PKD1L1: variants seen among roughly 807,000 people sequenced by gnomAD.
PKD1L1 encodes the protein polycystin 1 like 1, transient receptor potential channel interacting.
In PKD1L1, 236 loss-of-function variants were observed where a neutral mutation model predicts 323.4. The observed-to-expected ratio is 0.73, with a 90% confidence interval of 0.66 to 0.81. PKD1L1 has a LOEUF of 0.81. Ranked by LOEUF, PKD1L1 falls within the 40% of genes least tolerant of loss-of-function variation. The pLI, the probability that PKD1L1 is intolerant of heterozygous loss-of-function variation, is 0.00. For missense variants in PKD1L1, 3,320 were observed against 3,508.0 expected (o/e 0.95, Z 1.35); for synonymous variants, 1,344 against 1,335.0 (o/e 1.01, Z -0.15).
chr7:47,824,182 T>C (rs544581503), intron 45 of PKD1L1, among the ~76,000 whole-genome samples: 2 of 152,340 alleles, frequency 1.3e-5, no homozygotes, highest in African/African-American at 4.8e-5. Flanking sequence ...GCTAAAAGTG[T>C]GTGTTGCTTC....
At position 47,863,569 on chromosome 7, in the gene PKD1L1, G is replaced by A. The variant is rs139221738; in HGVS notation, c.4149+1647C>T. Among the ~76,000 whole-genome samples, 221 of 152,234 alleles carry A rather than the reference G, an allele frequency of 1.5e-3. 2 individuals carry two copies. Among genetic ancestry groups the A allele is most frequent in the African/African-American group, 5.0e-3 (207 of 41,522 alleles). Reference sequence around the variant, plus strand: ...CATGTCGTGAAGCCTAGAGAAGAGCGTGTCCCCCAAAGCAGATTGAGCCCC... The same window carrying A: ...CATGTCGTGAAGCCTAGAGAAGAGCATGTCCCCCAAAGCAGATTGAGCCCC... On this transcript the variant is annotated intron_variant, in intron 26 of 56. Coordinates refer to ENST00000289672, the MANE Select transcript of PKD1L1 (RefSeq NM_138295.5).
chr7:47,907,611 G>A (rs1373595528), intron 9 of PKD1L1, among the ~76,000 whole-genome samples: 1 of 152,156 alleles, frequency 6.6e-6, no homozygotes, highest in Non-Finnish European at 1.5e-5. Context: ...CACTCAGTGA[G>A]CACCGGATGC....
At chr7:47,888,483 G>T (rs1294297592) in intron 16 of PKD1L1, among the ~76,000 whole-genome samples, 2 of 152,208 alleles carry the variant, frequency 1.3e-5, no homozygotes, top group Non-Finnish European at 2.9e-5. Context: ...TCCAAGCCTG[G>T]GCTCTGGCCC....
At chr7:47,917,645 C>A (rs1013242497) in intron 7 of PKD1L1, among the ~76,000 whole-genome samples, 1 of 152,084 alleles carries the variant, frequency 6.6e-6, no homozygotes, top group Non-Finnish European at 1.5e-5. Context: ...CAGCAGAAAC[C>A]CTATAAGCCG....
chr7:47,929,497 C>T lies in PKD1L1; in HGVS notation c.767G>A (p.Arg256His), dbSNP rs771010161. ...SSHGLPPGIP[R>H]TPSFTASQSG... is the part of the protein sequence containing the mutation. ...CTGCGATGCCGTGAAGCTGGGGGTG[C>T]GAGGAATGCCAGGCGGAAGGCCGTG... The change falls in exon 7 of 57, where the codon CGC (arginine) becomes CAC (histidine). Residue 256 changes from arginine (R) to histidine (H), a missense_variant. Coordinates refer to ENST00000289672, the MANE Select transcript of PKD1L1 (RefSeq NM_138295.5). 1.3e-5 allele frequency: 21 copies of T among 1,613,626 alleles called. No individual in the cohort carries two copies. Among genetic ancestry groups the T allele is most frequent in the Admixed American group, 6.7e-5 (4 of 59,972 alleles).
Position 47,868,126 on chromosome 7 carries a change from G to C in PKD1L1, c.3897-1512C>G, listed in dbSNP as rs561305504. The stretch of plus-strand genomic sequence containing the variant: ...CTCATGCCTGTAATCCCAGCACTTT[G>C]GGAGGCTGAGGCATGTGGATCACCT... On this transcript the variant is annotated intron_variant, in intron 24 of 56. Transcript: ENST00000289672. 3.9e-4 allele frequency among the ~76,000 whole-genome samples: 60 copies of C among 152,320 alleles called. 1 individual carries two copies. In the Middle Eastern group the frequency reaches 0.017, roughly 43 times the overall value.
intron 56 of PKD1L1, among the ~76,000 whole-genome samples, chr7:47,790,849 T>C (rs561302183): frequency 1.3e-5 from 2 of 152,022 alleles, no homozygotes; most frequent in Admixed American, 6.5e-5. Context: ...TTCTACCTCC[T>C]GGACCCCAGT....
intron 41 of PKD1L1, among the ~76,000 whole-genome samples, chr7:47,832,424 T>C (rs1039603999): frequency 2.6e-5 from 4 of 152,228 alleles, no homozygotes; most frequent in African/African-American, 9.6e-5. Context: ...AGGATCTTTT[T>C]TGTGCCCCAC....
At chr7:47,953,492 G>C in the PKD1L1 span, among the ~76,000 whole-genome samples, 1 of 152,200 alleles carries the variant, frequency 6.6e-6, no homozygotes, top group Non-Finnish European at 1.5e-5. Context: ...GGCAGACCCA[G>C]GACAAGTCCC....
chr7:47,871,748 C>T (rs150393496), intron 24 of PKD1L1, among the ~76,000 whole-genome samples: 1,752 of 152,288 alleles, frequency 0.012, 12 homozygotes, highest in Non-Finnish European at 0.018. Flanking sequence ...ACACACACAA[C>T]AAACTAGGAA....
At chr7:47,878,024 G>A (rs146792687) in intron 21 of PKD1L1, among the ~76,000 whole-genome samples, 1 of 151,968 alleles carries the variant, frequency 6.6e-6, no homozygotes, top group Non-Finnish European at 1.5e-5. Flanking sequence ...AAGCCTGAGG[G>A]AGAGATGATG....
upstream of PKD1L1, among the ~76,000 whole-genome samples, chr7:47,951,845 T>C (rs766634222): frequency 3.3e-5 from 5 of 152,246 alleles, no homozygotes; most frequent in Non-Finnish European, 7.3e-5. Flanking sequence ...CAGGTTTCAA[T>C]GCAAGCCCAG....
chr7:47,925,890 A>T (rs1428042231), intron 7 of PKD1L1, among the ~76,000 whole-genome samples: 2 of 150,096 alleles, frequency 1.3e-5, no homozygotes, highest in Non-Finnish European at 1.5e-5. Context: ...TGGGGACAAA[A>T]TGGGAAAAAA....
chr7:47,821,547 G>A (rs1785141180), intron 45 of PKD1L1, among the ~76,000 whole-genome samples: 1 of 152,090 alleles, frequency 6.6e-6, no homozygotes, highest in Non-Finnish European at 1.5e-5. Context: ...GGGATTACAA[G>A]CGTGAGTCAC....
chr7:47,888,610 C>G (rs1727603242), intron 16 of PKD1L1, among the ~76,000 whole-genome samples: 1 of 152,256 alleles, frequency 6.6e-6, no homozygotes, highest in South Asian at 2.1e-4. Flanking sequence ...TGGCCGTCCA[C>G]CTTTGTGATT....
chr7:47,906,040 T>G (rs1787199711), intron 9 of PKD1L1, 78 bp from the exon 10 acceptor site: 1 of 1,331,084 alleles, frequency 7.5e-7, no homozygotes, highest in African/African-American at 1.5e-5. Flanking sequence ...ACAGTCAGTA[T>G]TTTTCATTTT....
intron 49 of PKD1L1, among the ~76,000 whole-genome samples, chr7:47,812,655 C>T (rs1784925859): frequency 6.6e-6 from 1 of 152,158 alleles, no homozygotes; most frequent in Non-Finnish European, 1.5e-5. Context: ...AACAGTGTGA[C>T]TGGCTGGATG....
rs757578145 is a variant in PKD1L1 at position 47,882,014 on chromosome 7, G to C, written c.3337C>G (p.Leu1113Val). The C allele has an allele frequency of 6.2e-7, 1 of 1,613,972 alleles. No individual in the cohort carries two copies. Among genetic ancestry groups the C allele is most frequent in the Non-Finnish European group, 8.5e-7 (1 of 1,180,012 alleles). The part of the protein sequence containing the change: ...AEESPGDGDN[L>V]VDPSLSAGRA... ...CCTGCAGACAGGGAGGGGTCCACCA[G>C]GTTATCCCCATCTCCAGGGCTCTCC... Residue 1113 changes from leucine to valine, a missense_variant, in exon 20 of 57, where the codon CTG (leucine) becomes GTG (valine). Transcript: ENST00000289672.
At chr7:47,843,307 G>T in intron 33 of PKD1L1, 138 bp from the exon 34 acceptor site, 1 of 700,872 alleles carries the variant, frequency 1.4e-6, no homozygotes, top group Non-Finnish European at 2.3e-6. Flanking sequence ...CTTGCTGGAA[G>T]CTGAGTTAGA....
Sources: allele counts gnomAD v4.1 joint callset (sites outside exome capture counted in the v4.1 genomes callset), GRCh38; gene constraint gnomAD v4.1.1; transcripts MANE v1.5; gene names NCBI Gene and HGNC (gene_info 2026-07-23, HGNC 2026-07-21).